TUSC3: variants seen among roughly 807,000 people sequenced by gnomAD.
The protein encoded by TUSC3 is dolichyl-diphosphooligosaccharide--protein glycosyltransferase subunit TUSC3.
Under a neutral mutation model 44.8 loss-of-function variants are expected in TUSC3, and 45 were observed. The ratio of observed to expected loss-of-function variants is 1.00; its 90% CI spans 0.79 to 1.29. The LOEUF (loss-of-function observed/expected upper bound fraction) is 1.29. Among genes scored for constraint, TUSC3 ranks in the 50% most tolerant of loss-of-function variants. TUSC3 has a pLI of 0.00. For synonymous variants in TUSC3, 212 were observed against 152.9 expected (o/e 1.39, Z -2.85); for missense variants, 519 against 437.9 (o/e 1.19, Z -1.65).
chr8:15,788,834 C>G, the TUSC3 span, among the ~76,000 whole-genome samples: 2 of 152,150 alleles, frequency 1.3e-5, no homozygotes, highest in Non-Finnish European at 2.9e-5. Flanking sequence ...TGCAAAGCCA[C>G]TCTCTTAGTA....
rs554919987 is a variant in TUSC3, at chr8:15,422,300, C to A, written n.91+4995C>A. 3.9e-5 allele frequency among the ~76,000 whole-genome samples: 6 copies of A among 152,258 alleles called. No individual in the cohort carries two copies. In the East Asian group the frequency reaches 7.7e-4, roughly 20 times the overall value. ...TTGGTTTATTCTGTTTTATCCTATT[C>A]TATTACATTATGTTCCATTCTGTTG... On this transcript the variant is annotated intron_variant and non_coding_transcript_variant, in intron 1 of 5. Coordinates refer to the TUSC3 transcript ENST00000503191.
At chr8:15,748,048 G>C (rs971373279) in intron 8 of TUSC3, among the ~76,000 whole-genome samples, 4 of 152,172 alleles carry the variant, frequency 2.6e-5, no homozygotes, top group African/African-American at 9.6e-5. Context: ...GTTTTGTTTT[G>C]ATCACTCTGG....
the TUSC3 span, among the ~76,000 whole-genome samples, chr8:15,817,142 C>T: frequency 6.6e-6 from 1 of 152,142 alleles, no homozygotes. Context: ...AATGAAGGCA[C>T]CAATGATGTT....
chr8:15,768,503 G>A (rs2543113), downstream of TUSC3, among the ~76,000 whole-genome samples: 93,465 of 152,010 alleles, frequency 0.61, 29,728 homozygotes, highest in African/African-American at 0.76. Context: ...CTTGCTAGAC[G>A]AGGACATTAA....
intron 6 of TUSC3, among the ~76,000 whole-genome samples, chr8:15,711,358 CAT>C (rs1011723568): frequency 3.3e-5 from 5 of 151,370 alleles, no homozygotes; most frequent in African/African-American, 1.2e-4. Context: ...AAAGGATAAA[CAT>C]AATTTCAAAG....
At chr8:15,427,399 A>C (rs73665408) in intron 1 of TUSC3, among the ~76,000 whole-genome samples, 12,788 of 152,000 alleles carry the variant, frequency 0.084, 733 homozygotes, top group South Asian at 0.17. Context: ...ATAAATGGTC[A>C]TAGCTGGCAC....
intron 2 of TUSC3, among the ~76,000 whole-genome samples, chr8:15,484,154 C>A (rs1014820641): frequency 2.7e-5 from 4 of 150,576 alleles, no homozygotes; most frequent in African/African-American, 9.7e-5. Context: ...TCATGATTCA[C>A]CTCTTAAATT....
chr8:15,741,445 A>C (rs748443524), intron 7 of TUSC3, among the ~76,000 whole-genome samples: 4 of 152,208 alleles, frequency 2.6e-5, no homozygotes, highest in Non-Finnish European at 5.9e-5. Context: ...GCGGTGGCTC[A>C]CAACTGTAAT....
At chr8:15,699,563 T>C (rs954420406) in intron 6 of TUSC3, among the ~76,000 whole-genome samples, 3 of 152,200 alleles carry the variant, frequency 2.0e-5, no homozygotes, top group Admixed American at 2.0e-4. Flanking sequence ...GGAAAAAGAT[T>C]ATATGCAGAA....
chr8:15,752,031 T>G (rs1045653353), intron 9 of TUSC3, among the ~76,000 whole-genome samples: 2 of 152,170 alleles, frequency 1.3e-5, no homozygotes, highest in African/African-American at 4.8e-5. Flanking sequence ...ATCTTCTGTT[T>G]GGAGAAAATA....
chr8:15,799,636 C>G, the TUSC3 span, among the ~76,000 whole-genome samples: 1 of 152,320 alleles, frequency 6.6e-6, no homozygotes, highest in South Asian at 2.1e-4. Flanking sequence ...TATTTACTAC[C>G]TATTCCCATG....
intron 1 of TUSC3, among the ~76,000 whole-genome samples, chr8:15,582,902 T>C (rs1803432924): frequency 6.6e-6 from 1 of 152,244 alleles, no homozygotes; most frequent in African/African-American, 2.4e-5. Flanking sequence ...CTCTTTGTTC[T>C]TCAGACATAC....
At chr8:15,734,024 T>G (rs999557675) in intron 7 of TUSC3, among the ~76,000 whole-genome samples, 6 of 152,200 alleles carry the variant, frequency 3.9e-5, no homozygotes, top group African/African-American at 1.4e-4. Flanking sequence ...ATCTGGGCGA[T>G]AGAGTGAGAC....
chr8:15,631,830 C>G (rs1450449940), intron 2 of TUSC3, among the ~76,000 whole-genome samples: 1 of 151,988 alleles, frequency 6.6e-6, no homozygotes, highest in Non-Finnish European at 1.5e-5. Context: ...CTCAGCCTCT[C>G]AGGTATCTGG....
At position 15,476,847 on chromosome 8, in the gene TUSC3, CA is replaced by C. The variant is rs1232644517; in HGVS notation, n.92-6538del. Reference sequence around the variant, plus strand: ...GGCCCACCATCAGTCTGATTGTTGGCAGAAAGTTTTTCACAACCAATGACAG... The same window carrying C: ...GGCCCACCATCAGTCTGATTGTTGGCGAAAGTTTTTCACAACCAATGACAG... On this transcript the variant is annotated intron_variant and non_coding_transcript_variant, in intron 1 of 5. Transcript: ENST00000503191. Among the ~76,000 whole-genome samples the C allele has an allele frequency of 2.0e-5, 3 of 152,284 alleles. No individual in the cohort carries two copies. In the East Asian group the frequency reaches 5.8e-4, roughly 29 times the overall value.
intron 2 of TUSC3, among the ~76,000 whole-genome samples, chr8:15,494,446 T>C (rs1317666903): frequency 6.6e-6 from 1 of 151,594 alleles, no homozygotes; most frequent in Non-Finnish European, 1.5e-5. Flanking sequence ...GCCTCCGGAG[T>C]AGCTGGGACT....
At chr8:15,451,465 T>C (rs1585050746) in intron 1 of TUSC3, among the ~76,000 whole-genome samples, 1 of 152,118 alleles carries the variant, frequency 6.6e-6, no homozygotes, top group Non-Finnish European at 1.5e-5. Flanking sequence ...GGCTACATAA[T>C]GAAGCCTCCA....
intron 2 of TUSC3, among the ~76,000 whole-genome samples, chr8:15,635,625 G>C (rs1806031773): frequency 6.6e-6 from 1 of 152,182 alleles, no homozygotes; most frequent in Non-Finnish European, 1.5e-5. Context: ...CGTAATAGTA[G>C]TAAGGTGCCA....
At chr8:15,657,046 G>C (rs930237490) in intron 3 of TUSC3, among the ~76,000 whole-genome samples, 3 of 152,162 alleles carry the variant, frequency 2.0e-5, no homozygotes, top group African/African-American at 7.2e-5. Flanking sequence ...ACGTCCCATA[G>C]ATACCCCAGG....
Sources: allele counts gnomAD v4.1 joint callset (sites outside exome capture counted in the v4.1 genomes callset), GRCh38; gene constraint gnomAD v4.1.1; transcripts MANE v1.5; gene names NCBI Gene and HGNC (gene_info 2026-07-23, HGNC 2026-07-21).